KCNAB1: variants seen among roughly 807,000 people sequenced by gnomAD.
KCNAB1 encodes the protein potassium voltage-gated channel subfamily A regulatory beta subunit 1, also known as voltage-gated potassium channel subunit beta-1.
A neutral mutation model predicts 64.6 loss-of-function variants in KCNAB1; 35 were observed. That is an observed-to-expected ratio of 0.54 (90% CI 0.41 to 0.72). The LOEUF is 0.72. KCNAB1 is among the 30% of genes least tolerant of loss of function. KCNAB1 has a pLI of 0.00. For synonymous variants in KCNAB1, 177 were observed against 183.8 expected, an observed-to-expected ratio of 0.96 and a Z score of 0.30; for missense variants, 401 against 512.9, an observed-to-expected ratio of 0.78 and a Z score of 2.11.
chr3:156,421,414 C>T (rs573757120), intron 1 of KCNAB1, among the ~76,000 whole-genome samples: 6 of 152,324 alleles, frequency 3.9e-5, no homozygotes, highest in Non-Finnish European at 5.9e-5. Flanking sequence ...TTCTGTGCTG[C>T]GCCTGAACAG....
At position 156,248,167 on chromosome 3, in the gene KCNAB1, C is replaced by T. The variant is rs550526618; in HGVS notation, c.275+127281C>T. ...ACTATTTGTTAAGTTGTAATCAATG[C>T]ACCAATGAAACTATATTCCATATTT... On this transcript the variant is annotated intron_variant, in intron 1 of 13. Coordinates refer to ENST00000490337, the MANE Select transcript of KCNAB1 (RefSeq NM_172160.3). Among the ~76,000 whole-genome samples the T allele has an allele frequency of 1.1e-4, 17 of 152,294 alleles. No individual in the cohort carries two copies. In the South Asian group the frequency reaches 1.5e-3, roughly 13 times the overall value.
At chr3:156,469,248 C>CTTT (rs34567814) in intron 7 of KCNAB1, among the ~76,000 whole-genome samples, 801 of 72,800 alleles carry the variant, frequency 0.011, no homozygotes, top group Non-Finnish European at 0.014. Context: ...TTCTTTCTTT[C>CTTT]TTTTTTTTTT....
chr3:156,450,471 A>G (rs1442339794), intron 2 of KCNAB1, among the ~76,000 whole-genome samples: 1 of 152,220 alleles, frequency 6.6e-6, no homozygotes, highest in African/African-American at 2.4e-5. Context: ...AATGCCACCC[A>G]TAAATTAACT....
intron 1 of KCNAB1, among the ~76,000 whole-genome samples, chr3:156,134,468 G>A (rs971534576): frequency 1.3e-5 from 2 of 152,188 alleles, no homozygotes; most frequent in Admixed American, 6.5e-5. Flanking sequence ...TTTATGAATT[G>A]AGGTACTCAA....
chr3:156,314,712 C>T (rs1722159643), intron 1 of KCNAB1, among the ~76,000 whole-genome samples: 1 of 152,216 alleles, frequency 6.6e-6, no homozygotes, highest in South Asian at 2.1e-4. Context: ...TAATTAATTG[C>T]CCTTCAATTT....
At position 156,398,722 on chromosome 3, in the gene KCNAB1, G is replaced by A. The variant is rs1360565566; in HGVS notation, c.276-22894G>A. Among the ~76,000 whole-genome samples the A allele has an allele frequency of 5.3e-5, 8 of 150,394 alleles. No homozygotes were observed. The South Asian group carries it at 6.3e-4, about 12-fold the overall frequency. ...CAGCACATGTATCCCAGAACTTAAA[G>A]TTATATATATATATATATTTACTAA... On this transcript the variant is annotated intron_variant, in intron 1 of 13. Coordinates refer to ENST00000490337, the MANE Select transcript of KCNAB1 (RefSeq NM_172160.3).
chr3:156,442,364 T>C (rs1271082150), intron 2 of KCNAB1, among the ~76,000 whole-genome samples: 1 of 152,176 alleles, frequency 6.6e-6, no homozygotes, highest in Non-Finnish European at 1.5e-5. Context: ...CCACCGTTCA[T>C]CCTATTTCCA....
At chr3:156,309,195 G>A (rs148178784) in intron 1 of KCNAB1, among the ~76,000 whole-genome samples, 1 of 152,264 alleles carries the variant, frequency 6.6e-6, no homozygotes, top group East Asian at 1.9e-4. Context: ...AAAATAAAAA[G>A]CAAATACCTA....
chr3:156,275,676 C>T (rs1459302423), intron 1 of KCNAB1, among the ~76,000 whole-genome samples: 1 of 152,108 alleles, frequency 6.6e-6, no homozygotes, highest in Admixed American at 6.6e-5. Context: ...TAGATTCCAT[C>T]TTAAGAAACT....
At chr3:156,369,332 C>T (rs1200775011) in intron 1 of KCNAB1, among the ~76,000 whole-genome samples, 1 of 152,102 alleles carries the variant, frequency 6.6e-6, no homozygotes, top group Non-Finnish European at 1.5e-5. Flanking sequence ...ACAGTTTATC[C>T]ATTTTATTGT....
chr3:156,275,515 C>T (rs1384661689), intron 1 of KCNAB1, among the ~76,000 whole-genome samples: 1 of 152,124 alleles, frequency 6.6e-6, no homozygotes, highest in Non-Finnish European at 1.5e-5. Flanking sequence ...GCAAGCAATG[C>T]TATTTGATAG....
chr3:156,498,399 G>A (rs759027014), intron 8 of KCNAB1, among the ~76,000 whole-genome samples: 19 of 152,140 alleles, frequency 1.2e-4, no homozygotes, highest in Non-Finnish European at 2.8e-4. Flanking sequence ...ATATGAGGCA[G>A]GTCTTTCCTG....
At chr3:156,372,733 T>C (rs1726399141) in intron 1 of KCNAB1, among the ~76,000 whole-genome samples, 1 of 152,156 alleles carries the variant, frequency 6.6e-6, no homozygotes, top group Non-Finnish European at 1.5e-5. Flanking sequence ...AGAAACAGCG[T>C]GATGTTTCAG....
intron 7 of KCNAB1, among the ~76,000 whole-genome samples, chr3:156,469,248 C>CTTTTTTTTTT (rs34567814): frequency 3.2e-4 from 23 of 72,960 alleles, no homozygotes; most frequent in South Asian, 5.9e-4. Flanking sequence ...TTCTTTCTTT[C>CTTTTTTTTTT]TTTTTTTTTT....
chr3:156,189,340 AG>A (rs1713408739), intron 1 of KCNAB1, among the ~76,000 whole-genome samples: 1 of 152,204 alleles, frequency 6.6e-6, no homozygotes, highest in Non-Finnish European at 1.5e-5. Flanking sequence ...CAAAGACAAA[AG>A]CCTTCCTTAA....
chr3:156,361,195 G>A lies in KCNAB1; in HGVS notation c.276-60421G>A, dbSNP rs76655751. Reference sequence around the variant, plus strand: ...CTCTGCTCCTGCCACACCATCCCCCGGGATGTTCCTCTAACAGACCAAGCC... The same window carrying A: ...CTCTGCTCCTGCCACACCATCCCCCAGGATGTTCCTCTAACAGACCAAGCC... On this transcript the variant is annotated intron_variant, in intron 1 of 13. Coordinates refer to ENST00000490337, the MANE Select transcript of KCNAB1 (RefSeq NM_172160.3). Among the ~76,000 whole-genome samples the A allele has an allele frequency of 3.7e-3, 555 of 151,984 alleles. 3 individuals are homozygous for A. Among genetic ancestry groups the A allele is most frequent in the African/African-American group, 0.013 (528 of 41,450 alleles).
intron 1 of KCNAB1, among the ~76,000 whole-genome samples, chr3:156,350,059 T>G (rs1470964038): frequency 3.9e-5 from 6 of 152,222 alleles, no homozygotes; most frequent in African/African-American, 7.2e-5. Context: ...AGTGTTCTAT[T>G]TTACATATAC....
intron 1 of KCNAB1, among the ~76,000 whole-genome samples, chr3:156,385,615 T>C (rs1182538841): frequency 6.6e-6 from 1 of 152,182 alleles, no homozygotes; most frequent in Non-Finnish European, 1.5e-5. Context: ...TAAATTATAC[T>C]AAGAGAAACT....
chr3:156,462,444 A>G (rs1376952562), intron 5 of KCNAB1, among the ~76,000 whole-genome samples: 1 of 152,232 alleles, frequency 6.6e-6, no homozygotes, highest in Non-Finnish European at 1.5e-5. Context: ...CTATTATAAT[A>G]GGTATCATGA....
Sources: allele counts gnomAD v4.1 joint callset (sites outside exome capture counted in the v4.1 genomes callset), GRCh38; gene constraint gnomAD v4.1.1; transcripts MANE v1.5; gene names NCBI Gene and HGNC (gene_info 2026-07-23, HGNC 2026-07-21).